The following BPIFC variants were observed in gnomAD, a reference collection of about 807,000 sequenced individuals.
BPIFC encodes BPI fold-containing family C protein.
In BPIFC, 60 loss-of-function variants were observed where a neutral mutation model predicts 57.6. The ratio of observed to expected loss-of-function variants is 1.04; its 90% CI spans 0.85 to 1.29. The LOEUF (loss-of-function observed/expected upper bound fraction) is 1.29, where lower values mean the gene tolerates loss of function less well. BPIFC is among the 50% of genes most tolerant of loss of function. The pLI, the probability that BPIFC is intolerant of heterozygous loss-of-function variation, is 0.00. For missense variants in BPIFC, 581 were observed against 600.5 expected (o/e 0.97, Z 0.34); for synonymous variants, 243 against 224.5 (o/e 1.08, Z -0.74).
intron 13 of BPIFC, among the ~76,000 whole-genome samples, chr22:32,423,407 T>TG (rs922678366): frequency 7.2e-5 from 11 of 151,968 alleles, no homozygotes; most frequent in African/African-American, 2.2e-4. Context: ...AGGGTGGAGT[T>TG]GGGGGGGTCA....
At chr22:32,445,539 A>G in intron 7 of BPIFC, 96 bp downstream of exon 7, 2 of 1,336,406 alleles carry the variant, frequency 1.5e-6, no homozygotes, top group Non-Finnish European at 2.1e-6. Flanking sequence ...TCTGTCTCAA[A>G]AAAACAAACA....
At chr22:32,430,544 G>GT (rs1934209986) in intron 13 of BPIFC, among the ~76,000 whole-genome samples, 1 of 144,976 alleles carries the variant, frequency 6.9e-6, no homozygotes, top group Admixed American at 6.9e-5. Context: ...TTTATAAAAT[G>GT]TTTTATATAA....
At position 32,445,714 on chromosome 22, in the gene BPIFC, A is replaced by AAC. The variant is rs1772380148; in HGVS notation, c.531-17_531-16insGT. The AAC allele has an allele frequency of 1.1e-6, 1 of 934,762 alleles. No homozygotes were observed. Among genetic ancestry groups the AAC allele is most frequent in the African/African-American group, 5.1e-5 (1 of 19,582 alleles). The allele number at this position is 934,762 out of a possible 1,614,324, so 57.9% of individuals were successfully genotyped here. On this transcript the variant is annotated splice_polypyrimidine_tract_variant and intron_variant, in intron 6 of 16. Transcript: ENST00000300399. ...ATACAGAACACTGAGGAAAAAAATG[A>AAC]AAAAAAAAAAAAAAAAAAAAAGAGG... is the stretch of plus-strand genomic sequence containing the variant.
intron 2 of BPIFC, among the ~76,000 whole-genome samples, chr22:32,459,229 G>A (rs1935107998): frequency 6.6e-6 from 1 of 152,174 alleles, no homozygotes; most frequent in South Asian, 2.1e-4. Context: ...TGTGGATGTG[G>A]TCAGAGAGGA....
chr22:32,455,473 G>A (rs1220691060), intron 3 of BPIFC, among the ~76,000 whole-genome samples: 1 of 152,210 alleles, frequency 6.6e-6, no homozygotes, highest in African/African-American at 2.4e-5. Context: ...TTGAGTGCCT[G>A]TCTATGCTAG....
chr22:32,417,681 G>C (rs1278257039), intron 14 of BPIFC, among the ~76,000 whole-genome samples: 3 of 152,192 alleles, frequency 2.0e-5, no homozygotes, highest in African/African-American at 7.2e-5. Context: ...AATTCAGAGG[G>C]ACTACATGGT....
intron 13 of BPIFC, among the ~76,000 whole-genome samples, chr22:32,425,075 C>G (rs1438896000): frequency 6.6e-6 from 1 of 152,156 alleles, no homozygotes; most frequent in Non-Finnish European, 1.5e-5. Context: ...AGCCACCACG[C>G]CTGGCCTTGC....
chr22:32,442,177 AG>A (rs761475837), intron 8 of BPIFC, among the ~76,000 whole-genome samples: 2 of 152,210 alleles, frequency 1.3e-5, no homozygotes, highest in Non-Finnish European at 2.9e-5. Flanking sequence ...AGGGGTGAGG[AG>A]GGCAGTGGAA....
intron 13 of BPIFC, 54 bp downstream of exon 13, chr22:32,431,293 C>G: frequency 7.0e-7 from 1 of 1,427,516 alleles, no homozygotes; most frequent in South Asian, 1.2e-5. Context: ...TGTCTCTGAT[C>G]AGTTGACTCA....
chr22:32,417,981 G>A (rs1933734350), intron 14 of BPIFC, among the ~76,000 whole-genome samples: 1 of 152,086 alleles, frequency 6.6e-6, no homozygotes, highest in Non-Finnish European at 1.5e-5. Context: ...CACTTTTGCA[G>A]TTGGGACCTC....
intron 9 of BPIFC, among the ~76,000 whole-genome samples, chr22:32,437,483 C>G (rs565547562): frequency 1.3e-4 from 20 of 152,176 alleles, no homozygotes; most frequent in African/African-American, 4.8e-4. Context: ...CTCTGCCTTC[C>G]AGGTTCAAGC....
In BPIFC at chr22:32,433,982, T is replaced by A. The variant is rs566685486; in HGVS notation, c.925-210A>T. ...GTGACTTGCCCAAGGTCACACAGGA[T>A]GTTATATTTCTTTTAACTCTGGGAA... is the stretch of plus-strand genomic sequence containing the variant. On this transcript the variant is annotated intron_variant, in intron 10 of 16. Transcript: ENST00000300399. Among the ~76,000 whole-genome samples the A allele has an allele frequency of 9.3e-4, 141 of 152,180 alleles. 2 individuals are homozygous for A. The highest frequency in any genetic ancestry group is 3.0e-3 in the African/African-American group (124 of 41,538).
At chr22:32,436,821 G>A (rs190917362) in intron 9 of BPIFC, among the ~76,000 whole-genome samples, 362 of 152,302 alleles carry the variant, frequency 2.4e-3, no homozygotes, top group African/African-American at 8.1e-3. Context: ...AGGCATTTTT[G>A]TAGCATTTCT....
chr22:32,451,211 T>C (rs1402934743), intron 4 of BPIFC, among the ~76,000 whole-genome samples: 2 of 152,202 alleles, frequency 1.3e-5, no homozygotes, highest in African/African-American at 4.8e-5. Flanking sequence ...ACTCATCATT[T>C]TTTATGGCTG....
chr22:32,453,479 A>G lies in BPIFC; in HGVS notation c.149T>C (p.Ile50Thr), dbSNP rs757211387. Reference protein sequence around the residue: ...DYGVQAGMKMIEQMLKEKKLP... With the variant: ...DYGVQAGMKMTEQMLKEKKLP... The stretch of plus-strand genomic sequence containing the variant: ...TTTCTTTTCTTTTAGCATTTGCTCA[A>G]TCATCTTCATTCCAGCTTGAACACC... Residue 50 changes from isoleucine to threonine, a missense_variant, in exon 4 of 17, where the codon ATT becomes ACT. Ile to Thr is a moderately conservative substitution (Grantham distance 89). Coordinates refer to ENST00000300399, the MANE Select transcript of BPIFC (RefSeq NM_174932.3). The G allele has an allele frequency of 6.2e-7, 1 of 1,603,002 alleles. No individual in the cohort carries two copies. Among genetic ancestry groups the G allele is most frequent in the Non-Finnish European group, 8.5e-7 (1 of 1,177,098 alleles).
chr22:32,436,010 C>G, intron 9 of BPIFC, 130 bp from the exon 10 acceptor site: 1 of 1,003,280 alleles, frequency 1.0e-6, no homozygotes, highest in Non-Finnish European at 1.4e-6. Context: ...TGGCTCACGC[C>G]TATAATCCCA....
chr22:32,454,280 G>A (rs921217682), intron 3 of BPIFC, among the ~76,000 whole-genome samples: 5 of 152,120 alleles, frequency 3.3e-5, no homozygotes, highest in African/African-American at 1.2e-4. Context: ...TTGGCCTGTG[G>A]TTCTTGGGCT....
At chr22:32,429,718 T>C (rs946362818) in intron 13 of BPIFC, among the ~76,000 whole-genome samples, 9 of 151,864 alleles carry the variant, frequency 5.9e-5, no homozygotes, top group South Asian at 2.1e-4. Context: ...GGTTTCACTA[T>C]GTTGGCCAGG....
chr22:32,450,236 C>T (rs1340196175), intron 4 of BPIFC, among the ~76,000 whole-genome samples: 1 of 152,012 alleles, frequency 6.6e-6, no homozygotes, highest in Non-Finnish European at 1.5e-5. Context: ...TACAAAAGTA[C>T]TTACCATTGT....
Sources: allele counts gnomAD v4.1 joint callset (sites outside exome capture counted in the v4.1 genomes callset), GRCh38; gene constraint gnomAD v4.1.1; transcripts MANE v1.5; gene names NCBI Gene and HGNC (gene_info 2026-07-23, HGNC 2026-07-21).